Variants in HS3ST5 observed in about 807,000 individuals in gnomAD.
HS3ST5 encodes the protein heparan sulfate-glucosamine 3-sulfotransferase 5.
In HS3ST5, 10 loss-of-function variants were observed where a neutral mutation model predicts 25.4. That is an observed-to-expected ratio of 0.39 (90% CI 0.24 to 0.67). The LOEUF (loss-of-function observed/expected upper bound fraction) is 0.67, where lower values mean the gene tolerates loss of function less well. Ranked by LOEUF, HS3ST5 falls within the 30% of genes least tolerant of loss-of-function variation. The probability of loss-of-function intolerance (pLI) is 0.44; values close to 1 mark genes in which losing one functional copy is unlikely to be tolerated. For synonymous variants in HS3ST5, 170 were observed against 162.4 expected, an observed-to-expected ratio of 1.05 and a Z score of -0.36; for missense variants, 324 against 420.7, an observed-to-expected ratio of 0.77 and a Z score of 2.01.
chr6:114,310,431 A>G (rs1775480212), intron 1 of HS3ST5, among the ~76,000 whole-genome samples: 1 of 152,192 alleles, frequency 6.6e-6, no homozygotes, highest in Non-Finnish European at 1.5e-5. Context: ...TCCTATTAAA[A>G]TGGCATCTTA....
At chr6:114,060,417 T>A (rs1773041196) in intron 4 of HS3ST5, among the ~76,000 whole-genome samples, 1 of 152,226 alleles carries the variant, frequency 6.6e-6, no homozygotes, top group Admixed American at 6.5e-5. Flanking sequence ...GGGCTTTAAA[T>A]GGAGGATGTA....
intron 1 of HS3ST5, among the ~76,000 whole-genome samples, chr6:114,329,954 C>T (rs1460328385): frequency 6.6e-6 from 1 of 152,104 alleles, no homozygotes; most frequent in Non-Finnish European, 1.5e-5. Context: ...AGTAGAACTA[C>T]TTAAATGTAT....
intron 1 of HS3ST5, among the ~76,000 whole-genome samples, chr6:114,284,718 T>C (rs754381569): frequency 1.3e-5 from 2 of 151,982 alleles, no homozygotes; most frequent in Non-Finnish European, 2.9e-5. Context: ...ATAATAGTTA[T>C]ATTGTAGAGG....
At chr6:114,102,168 A>G (rs1269782317) in intron 3 of HS3ST5, among the ~76,000 whole-genome samples, 2 of 152,220 alleles carry the variant, frequency 1.3e-5, no homozygotes, top group Admixed American at 6.5e-5. Context: ...TACCTATATT[A>G]CAAACCTGTA....
intron 3 of HS3ST5, among the ~76,000 whole-genome samples, chr6:114,085,952 T>A: frequency 8.4e-6 from 1 of 119,316 alleles, no homozygotes; most frequent in Non-Finnish European, 1.7e-5. Context: ...CCCCATTTAA[T>A]CAGCCACTTA....
At chr6:114,181,530 A>G (rs1455121054) in intron 2 of HS3ST5, among the ~76,000 whole-genome samples, 1 of 152,234 alleles carries the variant, frequency 6.6e-6, no homozygotes, top group African/African-American at 2.4e-5. Flanking sequence ...GAATCTCAAA[A>G]TCAGAAATAT....
chr6:114,167,065 G>A (rs1372293897), intron 3 of HS3ST5, among the ~76,000 whole-genome samples: 3 of 152,222 alleles, frequency 2.0e-5, no homozygotes, highest in South Asian at 2.1e-4. Flanking sequence ...AGCTCATTGC[G>A]GCCTTAAATT....
chr6:114,161,521 T>TTA (rs59921019), intron 3 of HS3ST5, among the ~76,000 whole-genome samples: 806 of 33,032 alleles, frequency 0.024, 38 homozygotes, highest in South Asian at 0.03. Context: ...TCCTGAAGTT[T>TTA]TATATATATA....
chr6:114,166,544 T>A (rs1779214535), intron 3 of HS3ST5, among the ~76,000 whole-genome samples: 1 of 152,182 alleles, frequency 6.6e-6, no homozygotes, highest in Non-Finnish European at 1.5e-5. Flanking sequence ...AAATGGCATA[T>A]TCCACCAAAT....
chr6:114,269,259 C>T (rs2114695486), intron 1 of HS3ST5, among the ~76,000 whole-genome samples: 1 of 152,272 alleles, frequency 6.6e-6, no homozygotes, highest in South Asian at 2.1e-4. Flanking sequence ...GATTAACCAT[C>T]TTACCTAATA....
intron 3 of HS3ST5, among the ~76,000 whole-genome samples, chr6:114,093,839 T>C (rs1775278922): frequency 6.6e-6 from 1 of 152,226 alleles, no homozygotes; most frequent in Admixed American, 6.5e-5. Flanking sequence ...TATAATTGAA[T>C]AGGCAGGTAC....
At chr6:114,224,409 A>G (rs955373315) in intron 2 of HS3ST5, among the ~76,000 whole-genome samples, 1 of 151,480 alleles carries the variant, frequency 6.6e-6, no homozygotes, top group Admixed American at 6.6e-5. Flanking sequence ...AGGCTCACAT[A>G]ATAAATTATA....
At chr6:114,180,401 C>T (rs1383753268) in intron 2 of HS3ST5, among the ~76,000 whole-genome samples, 2 of 152,048 alleles carry the variant, frequency 1.3e-5, no homozygotes, top group Non-Finnish European at 2.9e-5. Flanking sequence ...TCTCATCATT[C>T]TGGAGGCTTG....
intron 1 of HS3ST5, among the ~76,000 whole-genome samples, chr6:114,267,677 AAAC>A (rs926577720): frequency 2.0e-5 from 3 of 152,174 alleles, no homozygotes; most frequent in African/African-American, 7.2e-5. Context: ...AGAACCAACC[AAAC>A]AGCCAATTTG....
chr6:114,248,219 T>A (rs2013199), intron 1 of HS3ST5, among the ~76,000 whole-genome samples: 27,703 of 104,576 alleles, frequency 0.26, 2,759 homozygotes, highest in Middle Eastern at 0.37. Context: ...AAAAAAAAAA[T>A]ATATATATAT....
chr6:114,147,495 T>C (rs1778226933), intron 3 of HS3ST5, among the ~76,000 whole-genome samples: 1 of 152,182 alleles, frequency 6.6e-6, no homozygotes, highest in Non-Finnish European at 1.5e-5. Context: ...AATAGGGTCT[T>C]GGAATAACCT....
intron 2 of HS3ST5, among the ~76,000 whole-genome samples, chr6:114,227,882 A>G (rs1771378831): frequency 6.6e-6 from 1 of 152,160 alleles, no homozygotes; most frequent in African/African-American, 2.4e-5. Context: ...TGACAGGGCT[A>G]TCACTCTGAA....
intron 1 of HS3ST5, among the ~76,000 whole-genome samples, chr6:114,295,308 T>A (rs1023750065): frequency 2.6e-5 from 4 of 152,240 alleles, no homozygotes; most frequent in Non-Finnish European, 5.9e-5. Flanking sequence ...TAATAATAAA[T>A]GTCTTTTAAG....
At chr6:114,103,138 T>G (rs1362673686) in intron 3 of HS3ST5, among the ~76,000 whole-genome samples, 4 of 152,214 alleles carry the variant, frequency 2.6e-5, no homozygotes, top group African/African-American at 9.6e-5. Flanking sequence ...TTTTAAGGCC[T>G]TCTTCTTCCC....
Sources: allele counts gnomAD v4.1 joint callset (sites outside exome capture counted in the v4.1 genomes callset), GRCh38; gene constraint gnomAD v4.1.1; transcripts MANE v1.5; gene names NCBI Gene and HGNC (gene_info 2026-07-23, HGNC 2026-07-21).